NIBAN1: variants seen among roughly 807,000 people sequenced by gnomAD.
The protein encoded by NIBAN1 is protein Niban 1.
NIBAN1 carries 81 observed loss-of-function variants against 75.1 expected under a neutral mutation model. That is an observed-to-expected ratio of 1.08 (90% CI 0.90 to 1.30). The LOEUF (loss-of-function observed/expected upper bound fraction) is 1.30. Among genes scored for constraint, NIBAN1 ranks in the 50% most tolerant of loss-of-function variants. The probability of loss-of-function intolerance (pLI) is 0.00; values close to 1 mark genes in which losing one functional copy is unlikely to be tolerated. For missense variants in NIBAN1, 1,133 were observed against 1,128.1 expected (o/e 1.00, Z -0.06); for synonymous variants, 436 against 424.8 (o/e 1.03, Z -0.32).
chr1:184,839,861 C>T (rs867168083), intron 5 of NIBAN1, among the ~76,000 whole-genome samples: 6 of 152,034 alleles, frequency 3.9e-5, no homozygotes, highest in Middle Eastern at 6.8e-3. Flanking sequence ...CCTCCTAAAG[C>T]GCTGGGATTA....
chr1:184,803,687 A>T lies in NIBAN1; in HGVS notation c.1452T>A (p.Tyr484Ter). ...TTCGGATGGTGCTGCTGTCATAATC[A>T]TATTGCTGTCAATAAAGAAACATAT... ...EKVKLRVLKQ[Y>*]DYDSSTIRKK... The change falls in exon 12 of 14, where the codon TAT becomes TAA. Residue 484 changes from tyrosine (Y) to a stop codon, truncating the protein, a stop_gained. Coordinates refer to ENST00000367511, the MANE Select transcript of NIBAN1 (RefSeq NM_052966.4). LOFTEE classifies it high-confidence loss of function. 1 of 1,613,470 alleles carries T rather than the reference A, an allele frequency of 6.2e-7. No individual in the cohort carries two copies. Among genetic ancestry groups the T allele is most frequent in the Non-Finnish European group, 8.5e-7 (1 of 1,179,416 alleles).
chr1:184,807,659 C>T (rs539158437), intron 10 of NIBAN1, among the ~76,000 whole-genome samples: 23 of 152,102 alleles, frequency 1.5e-4, no homozygotes, highest in African/African-American at 4.6e-4. Flanking sequence ...CATGGTGGCA[C>T]ATGCCTGTAG....
intron 1 of NIBAN1, among the ~76,000 whole-genome samples, chr1:184,956,133 A>ATCT (rs1221674756): frequency 3.9e-5 from 6 of 151,956 alleles, no homozygotes; most frequent in African/African-American, 1.4e-4. Context: ...GGTTCCAGCG[A>ATCT]TCTTCCTACC....
At chr1:184,814,221 G>A (rs1654463884) in intron 9 of NIBAN1, among the ~76,000 whole-genome samples, 2 of 152,036 alleles carry the variant, frequency 1.3e-5, no homozygotes, top group South Asian at 4.1e-4. Context: ...CCCTAAATTG[G>A]ACATGGGAAT....
chr1:184,895,429 G>A (rs1429078688), intron 2 of NIBAN1, among the ~76,000 whole-genome samples: 1 of 152,102 alleles, frequency 6.6e-6, no homozygotes. Context: ...CCTAAATTTT[G>A]AGATCACTGT....
intron 5 of NIBAN1, among the ~76,000 whole-genome samples, chr1:184,858,546 C>T (rs1339911274): frequency 6.6e-6 from 1 of 152,060 alleles, no homozygotes; most frequent in African/African-American, 2.4e-5. Context: ...AAGCAAGAGC[C>T]GAAATACCTA....
At chr1:184,952,447 G>A (rs1327657370) in intron 1 of NIBAN1, among the ~76,000 whole-genome samples, 2 of 152,156 alleles carry the variant, frequency 1.3e-5, no homozygotes, top group East Asian at 3.9e-4. Context: ...TGACGTTTGA[G>A]GTTTTAAGGG....
chr1:184,906,378 C>G (rs1385596365), intron 1 of NIBAN1, among the ~76,000 whole-genome samples: 1 of 152,100 alleles, frequency 6.6e-6, no homozygotes, highest in African/African-American at 2.4e-5. Context: ...CACCTGTAAT[C>G]CTAGCACTTT....
intron 1 of NIBAN1, among the ~76,000 whole-genome samples, chr1:184,955,928 C>T (rs187733891): frequency 8.5e-5 from 13 of 152,190 alleles, no homozygotes; most frequent in Non-Finnish European, 1.9e-4. Flanking sequence ...TGTCTATCTG[C>T]CCTTATCTGC....
At chr1:184,930,818 T>C (rs547828312) in intron 1 of NIBAN1, among the ~76,000 whole-genome samples, 2 of 152,230 alleles carry the variant, frequency 1.3e-5, no homozygotes, top group Non-Finnish European at 2.9e-5. Flanking sequence ...GGTCACCAAA[T>C]GTACATTATG....
At chr1:184,963,879 GT>G (rs1658712056) in intron 1 of NIBAN1, among the ~76,000 whole-genome samples, 1 of 152,116 alleles carries the variant, frequency 6.6e-6, no homozygotes, top group African/African-American at 2.4e-5. Flanking sequence ...TTACAAAATG[GT>G]TTTTCATGAA....
intron 1 of NIBAN1, among the ~76,000 whole-genome samples, chr1:184,940,265 G>A (rs769423116): frequency 4.6e-5 from 7 of 152,150 alleles, no homozygotes; most frequent in Admixed American, 1.3e-4. Flanking sequence ...CAGCAGAACC[G>A]TGGCTGGACC....
At chr1:184,960,895 G>T (rs1364779073) in intron 1 of NIBAN1, among the ~76,000 whole-genome samples, 1 of 151,890 alleles carries the variant, frequency 6.6e-6, no homozygotes, top group Admixed American at 6.6e-5. Context: ...CTCCCAAAGT[G>T]CTGGGATTAC....
chr1:184,856,362 C>T (rs886403194), intron 5 of NIBAN1, among the ~76,000 whole-genome samples: 10 of 151,994 alleles, frequency 6.6e-5, no homozygotes, highest in Non-Finnish European at 1.0e-4. Flanking sequence ...GTATTTTCTC[C>T]CTAATGCTTA....
chr1:184,897,269 T>G (rs993745588), intron 2 of NIBAN1, among the ~76,000 whole-genome samples: 1 of 145,638 alleles, frequency 6.9e-6, no homozygotes, highest in Non-Finnish European at 1.5e-5. Context: ...TGGTTAAATG[T>G]ACTCCTAAGT....
At chr1:184,823,469 G>T (rs1654759063) in intron 7 of NIBAN1, 140 bp from the exon 8 acceptor site, 1 of 1,325,712 alleles carries the variant, frequency 7.5e-7, no homozygotes, top group Non-Finnish European at 1.0e-6. Flanking sequence ...TTCAAAGTTG[G>T]AGTCTGTTTG....
chr1:184,933,872 A>G (rs1015325989), intron 1 of NIBAN1, among the ~76,000 whole-genome samples: 1 of 152,248 alleles, frequency 6.6e-6, no homozygotes, highest in Non-Finnish European at 1.5e-5. Flanking sequence ...TTGTGTTCCA[A>G]GTATTCTGGT....
intron 1 of NIBAN1, among the ~76,000 whole-genome samples, chr1:184,906,739 A>G (rs2101999186): frequency 6.6e-6 from 1 of 152,356 alleles, no homozygotes; most frequent in Middle Eastern, 3.4e-3. Flanking sequence ...AATAATTTAC[A>G]AACAAAATCC....
intron 5 of NIBAN1, among the ~76,000 whole-genome samples, chr1:184,881,189 T>C (rs1656369107): frequency 6.6e-6 from 1 of 152,140 alleles, no homozygotes; most frequent in Non-Finnish European, 1.5e-5. Flanking sequence ...CTCTCTCTTT[T>C]GAAGGAGGGA....
Sources: allele counts gnomAD v4.1 joint callset (sites outside exome capture counted in the v4.1 genomes callset), GRCh38; gene constraint gnomAD v4.1.1; transcripts MANE v1.5; gene names NCBI Gene and HGNC (gene_info 2026-07-23, HGNC 2026-07-21).